ZHX3: variants seen among roughly 807,000 people sequenced by gnomAD.
ZHX3 encodes the protein zinc fingers and homeoboxes protein 3.
A neutral mutation model predicts 64.5 loss-of-function variants in ZHX3; 20 were observed. That is an observed-to-expected ratio of 0.31 (90% CI 0.22 to 0.45). The LOEUF is 0.45. ZHX3 is among the 20% of genes least tolerant of loss of function. The pLI is 1.00. For synonymous variants in ZHX3, 423 were observed against 461.6 expected (o/e 0.92, Z 1.07); for missense variants, 1,041 against 1,195.8 (o/e 0.87, Z 1.91).
chr20:41,185,324 A>G lies in ZHX3; in HGVS notation c.2861-123T>C. On this transcript the variant is annotated intron_variant, in intron 3 of 3. Transcript: ENST00000683867. The surrounding 1 kb of genome is among the most constrained non-coding windows in gnomAD (Gnocchi z 5.0). Reference sequence around the variant, plus strand: ...TTGAGGACCTCTTAATTCCATGAGCAATGAATGGCCTTCTGCCACCCACTC... The same window carrying G: ...TTGAGGACCTCTTAATTCCATGAGCGATGAATGGCCTTCTGCCACCCACTC... 8.4e-7 allele frequency: 1 copy of G among 1,189,722 alleles called. No homozygotes were observed. The highest frequency in any genetic ancestry group is 1.2e-6 in the Non-Finnish European group (1 of 854,658). The allele number at this position is 1,189,722 out of a possible 1,614,324, so 73.7% of individuals were successfully genotyped here.
chr20:41,238,763 C>G (rs966735448), intron 2 of ZHX3: 1 of 152,126 alleles, frequency 6.6e-6, no homozygotes, highest in African/African-American at 2.4e-5. Context: ...TCCCCAATCT[C>G]CAAGGCAGGG....
chr20:41,189,933 C>G (rs1479599495), intron 3 of ZHX3, among the ~76,000 whole-genome samples: 1 of 147,028 alleles, frequency 6.8e-6, no homozygotes, highest in Non-Finnish European at 1.5e-5. Flanking sequence ...CAGCTTTTCC[C>G]CATTCAGTAT....
At chr20:41,260,913 C>T (rs1370411830) in intron 2 of ZHX3, among the ~76,000 whole-genome samples, 1 of 152,206 alleles carries the variant, frequency 6.6e-6, no homozygotes, top group Non-Finnish European at 1.5e-5. Context: ...TGGTTCCGGG[C>T]CCATGCTCTT....
chr20:41,231,357 T>G (rs536497882), intron 2 of ZHX3, among the ~76,000 whole-genome samples: 1 of 152,190 alleles, frequency 6.6e-6, no homozygotes, highest in African/African-American at 2.4e-5. Flanking sequence ...CCAAGCCTGG[T>G]TGTACTTGGT....
intron 2 of ZHX3, among the ~76,000 whole-genome samples, chr20:41,255,119 C>A (rs1479690938): frequency 6.6e-6 from 1 of 151,966 alleles, no homozygotes; most frequent in Non-Finnish European, 1.5e-5. Flanking sequence ...AAGATTCATG[C>A]CTGGAAAGGT....
chr20:41,291,529 A>G (rs924612564), intron 1 of ZHX3, among the ~76,000 whole-genome samples: 2 of 152,152 alleles, frequency 1.3e-5, no homozygotes, highest in Non-Finnish European at 2.9e-5. Flanking sequence ...CACAGAGCAT[A>G]AGTACCATAT....
At position 41,200,645 on chromosome 20, in the gene ZHX3, A is replaced by C. The variant is rs531092175; in HGVS notation, c.2860+1412T>G. ...CAGTGGCCCTTGTACTCCTACCCTA[A>C]GTGCTGACCAGGGCTTTGGGCTCCA... On this transcript the variant is annotated intron_variant, in intron 3 of 3. Coordinates refer to ENST00000683867, the MANE Select transcript of ZHX3 (RefSeq NM_001384317.1). The surrounding 1 kb of genome is among the most constrained non-coding windows in gnomAD (Gnocchi z 4.2). Among the ~76,000 whole-genome samples the C allele has an allele frequency of 2.0e-5, 3 of 152,246 alleles. No homozygotes were observed. The East Asian group carries it at 5.8e-4, about 29-fold the overall frequency.
At chr20:41,230,767 C>T (rs561156266) in intron 2 of ZHX3, among the ~76,000 whole-genome samples, 3 of 152,172 alleles carry the variant, frequency 2.0e-5, no homozygotes, top group Non-Finnish European at 4.4e-5. Context: ...ATAGATATTT[C>T]CCATATACCC....
Position 41,317,564 on chromosome 20 carries a change from G to A in ZHX3, c.-300C>T, listed in dbSNP as rs1394522028. The A allele has an allele frequency of 6.8e-6, 1 of 147,252 alleles. No individual in the cohort carries two copies. The highest frequency in any genetic ancestry group is 1.5e-5 in the Non-Finnish European group (1 of 66,134). The allele number at this position is 147,252 out of a possible 1,614,324, so 9.1% of individuals were successfully genotyped here. Reference sequence around the variant, plus strand: ...ACCGGGCCGCTCTTCCCGCGCTGCGGGCCTCCCTCCCCGCGGCCGGGCGGG... The same window carrying A: ...ACCGGGCCGCTCTTCCCGCGCTGCGAGCCTCCCTCCCCGCGGCCGGGCGGG... On this transcript the variant is annotated 5_prime_UTR_variant, in exon 1 of 4. Coordinates refer to ENST00000683867, the MANE Select transcript of ZHX3 (RefSeq NM_001384317.1).
At chr20:41,239,176 T>G (rs961384902) in intron 2 of ZHX3, among the ~76,000 whole-genome samples, 1 of 151,296 alleles carries the variant, frequency 6.6e-6, no homozygotes, top group Admixed American at 6.6e-5. Context: ...CTAATTTTTT[T>G]TTTTTGTATT....
intron 1 of ZHX3, chr20:41,316,880 G>A (rs1199378908): frequency 6.6e-6 from 1 of 152,306 alleles, no homozygotes; most frequent in Admixed American, 6.5e-5. Flanking sequence ...CAGGGAATCC[G>A]AGGACCTGGG....
intron 1 of ZHX3, among the ~76,000 whole-genome samples, chr20:41,303,004 C>G (rs751219285): frequency 1.3e-5 from 2 of 151,608 alleles, no homozygotes; most frequent in Non-Finnish European, 2.9e-5. Context: ...CATAGCCTGA[C>G]GACCATCTCC....
rs537398989 is a variant in ZHX3 at position 41,189,880 on chromosome 20, G to A, written c.2861-4679C>T. 2.0e-5 allele frequency among the ~76,000 whole-genome samples: 3 copies of A among 152,284 alleles called. No homozygotes were observed. In the East Asian group the frequency reaches 5.8e-4, roughly 29 times the overall value. On this transcript the variant is annotated intron_variant, in intron 3 of 3. Transcript: ENST00000683867. Reference sequence around the variant, plus strand: ...ACTATGCTGAATAGGAGCGGTGAAAGTGGGCATCCTTGTCATGTTCCAGTT... The same window carrying A: ...ACTATGCTGAATAGGAGCGGTGAAAATGGGCATCCTTGTCATGTTCCAGTT...
intron 2 of ZHX3, among the ~76,000 whole-genome samples, chr20:41,241,757 T>C (rs1166167089): frequency 6.6e-6 from 1 of 152,216 alleles, no homozygotes; most frequent in African/African-American, 2.4e-5. Context: ...TAAAAATTTT[T>C]GAATTGTTTT....
At chr20:41,193,055 C>T (rs146545557) in intron 3 of ZHX3, among the ~76,000 whole-genome samples, 248 of 152,242 alleles carry the variant, frequency 1.6e-3, no homozygotes, top group African/African-American at 5.5e-3. Flanking sequence ...GTCTCTTTTC[C>T]GTGAATTCCA....
chr20:41,296,060 T>G (rs2044499931), intron 1 of ZHX3, among the ~76,000 whole-genome samples: 1 of 152,012 alleles, frequency 6.6e-6, no homozygotes, highest in Non-Finnish European at 1.5e-5. Flanking sequence ...GCCTAACATT[T>G]GTGGAAAGCA....
intron 3 of ZHX3, among the ~76,000 whole-genome samples, chr20:41,198,934 C>G (rs758685335): frequency 6.0e-4 from 90 of 151,174 alleles, no homozygotes; most frequent in South Asian, 2.7e-3. Context: ...TTTTTTCTTT[C>G]TTCTCCTTTG....
At chr20:41,290,486 C>G (rs537468275) in intron 1 of ZHX3, 1 of 152,244 alleles carries the variant, frequency 6.6e-6, no homozygotes, top group African/African-American at 2.4e-5. Flanking sequence ...ACTGGCATAG[C>G]GTACTACAGC....
At chr20:41,194,027 A>G (rs2146160548) in intron 3 of ZHX3, among the ~76,000 whole-genome samples, 1 of 152,268 alleles carries the variant, frequency 6.6e-6, no homozygotes, top group East Asian at 1.9e-4. Flanking sequence ...TGATCATGTC[A>G]TCTGTGAACA....
Sources: gnomAD v4.1 joint callset for allele counts (sites outside exome capture counted in the v4.1 genomes callset) on GRCh38, gnomAD v4.1.1 for gene constraint, Gnocchi (gnomAD v3.1) non-coding constraint, MANE v1.5 for transcripts, NCBI Gene and HGNC (gene_info 2026-07-23, HGNC 2026-07-21) for gene names.